ENOX1: variants seen among roughly 807,000 people sequenced by gnomAD.
ENOX1 encodes the protein ecto-NOX disulfide-thiol exchanger 1, also known as candidate growth-related and time keeping constitutive hydroquinone (NADH) oxidase.
ENOX1 carries 42 observed loss-of-function variants against 82.5 expected under a neutral mutation model. That is an observed-to-expected ratio of 0.51 (90% confidence interval 0.40 to 0.66). ENOX1 has a LOEUF of 0.66. Among genes scored for constraint, ENOX1 ranks in the 30% least tolerant of loss-of-function variants. ENOX1 has a pLI of 0.00. For synonymous variants in ENOX1, 271 were observed against 282.2 expected (o/e 0.96, Z 0.40); for missense variants, 608 against 811.6 (o/e 0.75, Z 3.05).
chr13:43,350,194 G>GA (rs1361323289), intron 8 of ENOX1, among the ~76,000 whole-genome samples: 1 of 152,100 alleles, frequency 6.6e-6, no homozygotes, highest in Non-Finnish European at 1.5e-5. Flanking sequence ...ATTCTCCTTC[G>GA]AAACAGTTTT....
intron 1 of ENOX1, among the ~76,000 whole-genome samples, chr13:43,675,225 A>C (rs1488627593): frequency 6.6e-6 from 1 of 152,188 alleles, no homozygotes; most frequent in Non-Finnish European, 1.5e-5. Context: ...AGAGCAGCAG[A>C]AGTAGATGGA....
chr13:43,729,464 G>A (rs2153821398), intron 1 of ENOX1, among the ~76,000 whole-genome samples: 1 of 152,080 alleles, frequency 6.6e-6, no homozygotes, highest in East Asian at 1.9e-4. Flanking sequence ...AAATGATTTG[G>A]AAACATCTTA....
chr13:43,355,518 A>G (rs1566588446), intron 8 of ENOX1, among the ~76,000 whole-genome samples: 2 of 152,226 alleles, frequency 1.3e-5, no homozygotes, highest in South Asian at 4.1e-4. Flanking sequence ...AGGAACACTA[A>G]GAACGCCCCA....
chr13:43,335,748 G>A lies in ENOX1; in HGVS notation c.1036+8790C>T, dbSNP rs193225720. On this transcript the variant is annotated intron_variant, in intron 9 of 16. Coordinates refer to ENST00000690772, the MANE Select transcript of ENOX1 (RefSeq NM_001347969.2). Reference sequence around the variant, plus strand: ...TTGACTCAGTGTATATATTTTCCACGAGACTGAAAGGAAGGATACCAAAAA... The same window carrying A: ...TTGACTCAGTGTATATATTTTCCACAAGACTGAAAGGAAGGATACCAAAAA... Among the ~76,000 whole-genome samples, 1,307 of 138,274 alleles carry A rather than the reference G, an allele frequency of 9.5e-3. 10 individuals are homozygous for A. The highest frequency in any genetic ancestry group is 0.015 in the Non-Finnish European group (976 of 65,388). 90.7% of individuals were successfully genotyped at this position (138,274 alleles called of 152,430 possible). A position where few individuals can be genotyped will look rare whatever the true frequency, so the allele number is the denominator to read the frequency against.
intron 1 of ENOX1, among the ~76,000 whole-genome samples, chr13:43,766,503 C>G (rs535360290): frequency 1.1e-4 from 16 of 152,290 alleles, no homozygotes; most frequent in African/African-American, 2.9e-4. Context: ...GCCAAAGCAC[C>G]ACAATCGTCC....
At chr13:43,555,272 G>C (rs899261329) in intron 2 of ENOX1, among the ~76,000 whole-genome samples, 3 of 152,196 alleles carry the variant, frequency 2.0e-5, no homozygotes, top group African/African-American at 7.2e-5. Context: ...ACTAGCATCA[G>C]CCGTATATGT....
intron 3 of ENOX1, among the ~76,000 whole-genome samples, chr13:43,449,094 C>T (rs2056814469): frequency 6.6e-6 from 1 of 152,184 alleles, no homozygotes; most frequent in Non-Finnish European, 1.5e-5. Context: ...TGCAGAGCTC[C>T]TTTTATAAGA....
chr13:43,699,104 C>CA (rs1167459751), intron 1 of ENOX1, among the ~76,000 whole-genome samples: 1 of 152,098 alleles, frequency 6.6e-6, no homozygotes, highest in Non-Finnish European at 1.5e-5. Flanking sequence ...TTGTAAAGGA[C>CA]AAAAAATCCC....
At chr13:43,432,177 A>G (rs535032816) in intron 3 of ENOX1, among the ~76,000 whole-genome samples, 6 of 152,266 alleles carry the variant, frequency 3.9e-5, no homozygotes, top group African/African-American at 1.4e-4. Flanking sequence ...ATAACAAACT[A>G]TCTTTTCTAT....
At chr13:43,561,701 C>A (rs927733002) in intron 2 of ENOX1, among the ~76,000 whole-genome samples, 18 of 152,068 alleles carry the variant, frequency 1.2e-4, no homozygotes, top group Admixed American at 2.6e-4. Flanking sequence ...TCAAGAAATG[C>A]AGCAAGGGCC....
intron 11 of ENOX1, among the ~76,000 whole-genome samples, chr13:43,308,083 G>A (rs138887267): frequency 2.6e-5 from 4 of 152,300 alleles, no homozygotes; most frequent in East Asian, 1.9e-4. Context: ...TATTCTCCTA[G>A]AGGTAGAGAA....
intron 2 of ENOX1, among the ~76,000 whole-genome samples, chr13:43,535,181 C>T (rs916753269): frequency 4.6e-5 from 7 of 152,194 alleles, no homozygotes; most frequent in African/African-American, 1.7e-4. Context: ...TTAGCTGCTG[C>T]TGCTATCATT....
chr13:43,763,047 A>T (rs1951074020), intron 1 of ENOX1, among the ~76,000 whole-genome samples: 1 of 152,182 alleles, frequency 6.6e-6, no homozygotes, highest in Admixed American at 6.5e-5. Flanking sequence ...TCATTTTTGG[A>T]GAAGTTGAAA....
At chr13:43,652,057 T>C (rs2084215333) in intron 2 of ENOX1, among the ~76,000 whole-genome samples, 1 of 151,006 alleles carries the variant, frequency 6.6e-6, no homozygotes, top group South Asian at 2.1e-4. Flanking sequence ...TATAAGCCTA[T>C]AAAGTACCCA....
chr13:43,726,611 T>G (rs1304365422), intron 1 of ENOX1, among the ~76,000 whole-genome samples: 1 of 152,110 alleles, frequency 6.6e-6, no homozygotes, highest in Non-Finnish European at 1.5e-5. Context: ...ACTCAACAAA[T>G]ACACACATGC....
At chr13:43,451,999 T>G (rs952711612) in intron 3 of ENOX1, among the ~76,000 whole-genome samples, 1 of 152,222 alleles carries the variant, frequency 6.6e-6, no homozygotes, top group Non-Finnish European at 1.5e-5. Context: ...AAGGAAGGCC[T>G]CATTGGAAAG....
At chr13:43,415,308 A>T (rs2054398018) in intron 3 of ENOX1, among the ~76,000 whole-genome samples, 1 of 125,276 alleles carries the variant, frequency 8.0e-6, no homozygotes, top group African/African-American at 3.0e-5. Flanking sequence ...GGGATGTGGC[A>T]GGGTCACAGG....
At chr13:43,760,439 C>T (rs1950899468) in intron 1 of ENOX1, among the ~76,000 whole-genome samples, 1 of 152,144 alleles carries the variant, frequency 6.6e-6, no homozygotes, top group African/African-American at 2.4e-5. Context: ...AGGAACAGAA[C>T]TCCCACTGCA....
chr13:43,511,151 AG>A (rs1566417786), intron 2 of ENOX1, among the ~76,000 whole-genome samples: 1 of 152,160 alleles, frequency 6.6e-6, no homozygotes, highest in Non-Finnish European at 1.5e-5. Context: ...ATATGAGCTG[AG>A]GCATTTAATC....
Sources: allele counts gnomAD v4.1 joint callset (sites outside exome capture counted in the v4.1 genomes callset), GRCh38; gene constraint gnomAD v4.1.1; transcripts MANE v1.5; gene names NCBI Gene and HGNC (gene_info 2026-07-23, HGNC 2026-07-21).